RFTN2: variants seen among roughly 807,000 people sequenced by gnomAD.
RFTN2 encodes the protein raftlin-2.
In RFTN2, 34 loss-of-function variants were observed where a neutral mutation model predicts 52.7. That is an observed-to-expected ratio of 0.64 (90% CI 0.49 to 0.86). The LOEUF (loss-of-function observed/expected upper bound fraction) is 0.86. RFTN2 is among the 40% of genes least tolerant of loss of function. RFTN2 has a pLI of 0.00. For missense variants in RFTN2, 536 were observed against 600.1 expected, an observed-to-expected ratio of 0.89 and a Z score of 1.12; for synonymous variants, 203 against 217.7, an observed-to-expected ratio of 0.93 and a Z score of 0.59.
intron 5 of RFTN2, 47 bp from the exon 6 acceptor site, chr2:197,617,968 G>A (rs751540160): frequency 2.1e-6 from 3 of 1,442,824 alleles, no homozygotes; most frequent in Admixed American, 4.5e-5. Flanking sequence ...ATACTAAGTG[G>A]CTCATAAAAC....
At chr2:197,672,674 T>C (rs761185447) in intron 1 of RFTN2, among the ~76,000 whole-genome samples, 19 of 152,206 alleles carry the variant, frequency 1.2e-4, no homozygotes, top group Admixed American at 4.6e-4. Flanking sequence ...AGAATACCCA[T>C]TTTATAGATG....
chr2:197,664,980 CA>C (rs752828697), intron 1 of RFTN2, among the ~76,000 whole-genome samples: 17 of 152,060 alleles, frequency 1.1e-4, no homozygotes, highest in Non-Finnish European at 2.2e-4. Flanking sequence ...AAGATGGCAA[CA>C]ATAGACACTG....
At chr2:197,576,336 C>A (rs1191913516) in intron 8 of RFTN2, among the ~76,000 whole-genome samples, 1 of 152,012 alleles carries the variant, frequency 6.6e-6, no homozygotes, top group African/African-American at 2.4e-5. Context: ...CCTTTAAGAG[C>A]TTATTTAATA....
intron 8 of RFTN2, among the ~76,000 whole-genome samples, chr2:197,575,946 A>G (rs1049610800): frequency 2.1e-5 from 3 of 139,586 alleles, no homozygotes; most frequent in Non-Finnish European, 3.1e-5. Flanking sequence ...GGAAAGCACA[A>G]CAAGGAGAAT....
chr2:197,581,982 A>T (rs1390398387), intron 8 of RFTN2, among the ~76,000 whole-genome samples: 1 of 152,124 alleles, frequency 6.6e-6, no homozygotes, highest in Non-Finnish European at 1.5e-5. Flanking sequence ...GCTCTCCCTG[A>T]CTCATCCCAA....
chr2:197,578,069 T>C (rs1408529512), intron 8 of RFTN2, among the ~76,000 whole-genome samples: 6 of 152,100 alleles, frequency 3.9e-5, no homozygotes, highest in Non-Finnish European at 5.9e-5. Context: ...ACTGACAGAA[T>C]CAAAATAGGA....
chr2:197,576,509 AT>A, intron 8 of RFTN2, among the ~76,000 whole-genome samples: 1 of 152,294 alleles, frequency 6.6e-6, no homozygotes, highest in African/African-American at 2.4e-5. Context: ...GTAGGGTTGC[AT>A]TTTTCCTAAA....
At chr2:197,580,902 CTT>C (rs1346997315) in intron 8 of RFTN2, among the ~76,000 whole-genome samples, 2 of 152,146 alleles carry the variant, frequency 1.3e-5, no homozygotes, top group African/African-American at 4.8e-5. Flanking sequence ...AAATTATCTG[CTT>C]CCCTGACTAT....
At chr2:197,578,160 C>A (rs971217540) in intron 8 of RFTN2, among the ~76,000 whole-genome samples, 1 of 152,128 alleles carries the variant, frequency 6.6e-6, no homozygotes, top group African/African-American at 2.4e-5. Context: ...CAATTAATTC[C>A]TCTTTATATA....
rs2087270097 is a variant in RFTN2 at position 197,568,580 on chromosome 2, A to G, written c.*3428T>C. On this transcript the variant is annotated 3_prime_UTR_variant, in exon 9 of 9. Coordinates refer to ENST00000295049, the MANE Select transcript of RFTN2 (RefSeq NM_144629.3). ...ATTTAGCTAGTTTTTCTATGTATCCACTAGTACATTTTTATATAATGTGTT... is the reference window on the plus strand; with the variant it reads ...ATTTAGCTAGTTTTTCTATGTATCCGCTAGTACATTTTTATATAATGTGTT... 6.6e-6 allele frequency: 1 copy of G among 152,244 alleles called. No individual in the cohort carries two copies. The highest frequency in any genetic ancestry group is 1.5e-5 in the Non-Finnish European group (1 of 68,038). The allele number at this position is 152,244 out of a possible 1,614,324, so 9.4% of individuals were successfully genotyped here.
chr2:197,655,628 A>G (rs965354099), intron 1 of RFTN2, among the ~76,000 whole-genome samples: 2 of 152,182 alleles, frequency 1.3e-5, no homozygotes, highest in Admixed American at 1.3e-4. Context: ...GATCGAGACC[A>G]TCCTGGCCAA....
chr2:197,610,638 T>C (rs1054364296), intron 7 of RFTN2, among the ~76,000 whole-genome samples: 5 of 152,200 alleles, frequency 3.3e-5, no homozygotes, highest in Non-Finnish European at 7.3e-5. Context: ...GGCCAGAACT[T>C]CCAACACTAT....
At chr2:197,605,173 C>A in intron 7 of RFTN2, among the ~76,000 whole-genome samples, 1 of 151,958 alleles carries the variant, frequency 6.6e-6, no homozygotes, top group East Asian at 1.9e-4. Flanking sequence ...TAAAAAAGCT[C>A]CCTCCCCCTT....
chr2:197,639,330 A>AGT (rs1340488530), intron 3 of RFTN2, among the ~76,000 whole-genome samples: 3 of 150,002 alleles, frequency 2.0e-5, no homozygotes, highest in African/African-American at 7.4e-5. Context: ...TATCCTGCAG[A>AGT]GTGTTTTCCA....
chr2:197,644,256 C>T lies in RFTN2; in HGVS notation c.340G>A (p.Ala114Thr). Residue 114 changes from alanine to threonine, a missense_variant, in exon 3 of 9, where the codon GCA becomes ACA. Transcript: ENST00000295049. ...RLKLSPKNSA[A>T]PSGQRRPRLV... ...CTTGGGCGTCTTTGTCCACTGGGTG[C>T]TGCCGAATTCTTTGGGCTGTAACAG... is the stretch of plus-strand genomic sequence containing the variant. 1.9e-6 allele frequency: 3 copies of T among 1,604,996 alleles called. No individual in the cohort carries two copies. Among genetic ancestry groups the T allele is most frequent in the Non-Finnish European group, 2.6e-6 (3 of 1,171,732 alleles).
At chr2:197,621,216 G>A (rs2088258247) in intron 5 of RFTN2, among the ~76,000 whole-genome samples, 1 of 151,142 alleles carries the variant, frequency 6.6e-6, no homozygotes, top group Admixed American at 6.6e-5. Flanking sequence ...TTTAAAATTA[G>A]TTGTATCCTG....
chr2:197,620,447 T>G (rs1039137120), intron 5 of RFTN2, among the ~76,000 whole-genome samples: 4 of 152,196 alleles, frequency 2.6e-5, no homozygotes, highest in Non-Finnish European at 5.9e-5. Context: ...CATTAAAGTT[T>G]CCCTGGTTGA....
At chr2:197,609,655 T>C (rs1345667895) in intron 7 of RFTN2, among the ~76,000 whole-genome samples, 1 of 151,666 alleles carries the variant, frequency 6.6e-6, no homozygotes, top group Non-Finnish European at 1.5e-5. Context: ...CGTTTGTCTA[T>C]TTTGGCTTTT....
At chr2:197,622,092 A>G (rs1047599339) in intron 5 of RFTN2, among the ~76,000 whole-genome samples, 10 of 152,206 alleles carry the variant, frequency 6.6e-5, no homozygotes, top group Admixed American at 2.0e-4. Context: ...CTTCCATTCT[A>G]TGAAGGCTGA....
Sources: allele counts gnomAD v4.1 joint callset (sites outside exome capture counted in the v4.1 genomes callset), GRCh38; gene constraint gnomAD v4.1.1; transcripts MANE v1.5; gene names NCBI Gene and HGNC (gene_info 2026-07-23, HGNC 2026-07-21).